The following SHTN1 variants were observed in gnomAD, a reference collection of about 807,000 sequenced individuals.
The protein encoded by SHTN1 is shootin-1.
A neutral mutation model predicts 83.1 loss-of-function variants in SHTN1; 42 were observed. That is an observed-to-expected ratio of 0.51 (90% CI 0.39 to 0.65). The LOEUF is 0.65. Ranked by LOEUF, SHTN1 falls within the 30% of genes least tolerant of loss-of-function variation. SHTN1 has a pLI of 0.00. For synonymous variants in SHTN1, 224 were observed against 247.7 expected (o/e 0.90, Z 0.90); for missense variants, 622 against 737.8 (o/e 0.84, Z 1.82).
At chr10:116,995,057 A>C (rs1001890030) in intron 1 of SHTN1, among the ~76,000 whole-genome samples, 2 of 152,152 alleles carry the variant, frequency 1.3e-5, no homozygotes, top group Non-Finnish European at 2.9e-5. Context: ...TATCTCACAA[A>C]CAACCAAATT....
At position 116,884,284 on chromosome 10, in the gene SHTN1, C is replaced by A. The variant is rs1382997055; in HGVS notation, c.*2060G>T. On this transcript the variant is annotated 3_prime_UTR_variant, in exon 17 of 17. Coordinates refer to ENST00000355371, the MANE Select transcript of SHTN1 (RefSeq NM_001127211.3). Reference sequence around the variant, plus strand: ...AGTGTCACCCCAGCCAGGGGCAAAACCCCCTCAAAACCAAAGTGAAAAGGG... The same window carrying A: ...AGTGTCACCCCAGCCAGGGGCAAAAACCCCTCAAAACCAAAGTGAAAAGGG... The A allele has an allele frequency of 4.4e-6, 2 of 458,594 alleles. No individual in the cohort carries two copies. The highest frequency in any genetic ancestry group is 8.8e-6 in the Non-Finnish European group (2 of 227,696). The allele number at this position is 458,594 out of a possible 1,614,324, so 28.4% of individuals were successfully genotyped here.
intron 1 of SHTN1, among the ~76,000 whole-genome samples, chr10:117,001,607 AAG>A (rs1277089795): frequency 6.6e-6 from 1 of 152,192 alleles, no homozygotes; most frequent in African/African-American, 2.4e-5. Context: ...GGGCAAAATG[AAG>A]AGAGATTGTT....
At chr10:117,035,863 C>A (rs1852486961) in intron 2 of SHTN1, among the ~76,000 whole-genome samples, 1 of 138,396 alleles carries the variant, frequency 7.2e-6, no homozygotes, top group Admixed American at 8.2e-5. Flanking sequence ...AGGAGAATCG[C>A]TTGAACCTGG....
At chr10:116,888,492 T>C (rs181491542) in intron 16 of SHTN1, among the ~76,000 whole-genome samples, 149 of 152,284 alleles carry the variant, frequency 9.8e-4, no homozygotes, top group African/African-American at 3.4e-3. Context: ...GTTCTGACAG[T>C]TGGGAGGGAA....
chr10:117,106,832 A>G (rs2133635095), intron 1 of SHTN1, among the ~76,000 whole-genome samples: 1 of 152,204 alleles, frequency 6.6e-6, no homozygotes, highest in South Asian at 2.1e-4. Flanking sequence ...CTACCATCTC[A>G]CAAGATAGTG....
At chr10:116,978,823 A>C (rs1385154322) in intron 2 of SHTN1, among the ~76,000 whole-genome samples, 1 of 152,332 alleles carries the variant, frequency 6.6e-6, no homozygotes, top group East Asian at 1.9e-4. Context: ...AGACATATAA[A>C]GATTTATGGA....
intron 7 of SHTN1, among the ~76,000 whole-genome samples, chr10:116,945,349 C>T (rs1849538493): frequency 6.6e-6 from 1 of 152,114 alleles, no homozygotes. Context: ...TACTCTAACA[C>T]AGAAGAATGA....
chr10:117,047,373 TA>T (rs773397649), intron 2 of SHTN1, among the ~76,000 whole-genome samples: 3 of 141,266 alleles, frequency 2.1e-5, no homozygotes, highest in Non-Finnish European at 4.5e-5. Context: ...CCCTCAAAAA[TA>T]TTTTTTTTTA....
At chr10:116,940,422 T>C (rs200820779) in intron 9 of SHTN1, 44 bp downstream of exon 9, 4 of 1,591,402 alleles carry the variant, frequency 2.5e-6, no homozygotes, top group Admixed American at 1.7e-5. Flanking sequence ...TGTGTATGCA[T>C]GTATGTGTGT....
intron 1 of SHTN1, among the ~76,000 whole-genome samples, chr10:117,049,795 A>C (rs190334819): frequency 1.0e-3 from 157 of 152,316 alleles, no homozygotes; most frequent in African/African-American, 3.1e-3. Flanking sequence ...TCCATGATGC[A>C]ATAAGTATCT....
chr10:117,066,270 T>C (rs1050730894), intron 1 of SHTN1, among the ~76,000 whole-genome samples: 2 of 152,162 alleles, frequency 1.3e-5, no homozygotes, highest in Non-Finnish European at 2.9e-5. Context: ...TCAATTTCTA[T>C]AGCAGGTATT....
At chr10:117,043,994 C>G (rs1006298645) in intron 2 of SHTN1, among the ~76,000 whole-genome samples, 2 of 152,116 alleles carry the variant, frequency 1.3e-5, no homozygotes, top group African/African-American at 4.8e-5. Context: ...TTAAATGATT[C>G]TCCAGGAGAC....
At chr10:117,056,978 C>T (rs1341392226) in intron 1 of SHTN1, among the ~76,000 whole-genome samples, 2 of 152,184 alleles carry the variant, frequency 1.3e-5, no homozygotes, top group African/African-American at 4.8e-5. Flanking sequence ...TGTTCACTCT[C>T]ATCACTTCAA....
intron 1 of SHTN1, among the ~76,000 whole-genome samples, chr10:116,981,930 G>C (rs562925914): frequency 6.6e-6 from 1 of 152,106 alleles, no homozygotes; most frequent in African/African-American, 2.4e-5. Flanking sequence ...GTGGTAGCGC[G>C]CACCTGTAAT....
At chr10:116,914,469 TAA>T (rs75969895) in intron 13 of SHTN1, among the ~76,000 whole-genome samples, 29 of 134,954 alleles carry the variant, frequency 2.1e-4, no homozygotes, top group Admixed American at 3.0e-4. Context: ...AGACTCCATC[TAA>T]AAAAAAAAAA....
intron 1 of SHTN1, among the ~76,000 whole-genome samples, chr10:116,999,672 T>C (rs1433097144): frequency 6.6e-6 from 1 of 152,128 alleles, no homozygotes; most frequent in Non-Finnish European, 1.5e-5. Flanking sequence ...CCCAGCACTT[T>C]GGGAGGCCTA....
chr10:117,013,951 A>G (rs1015819123), intron 2 of SHTN1, among the ~76,000 whole-genome samples: 1 of 152,182 alleles, frequency 6.6e-6, no homozygotes, highest in Non-Finnish European at 1.5e-5. Context: ...ATAAAATGGA[A>G]TATATACATC....
intron 15 of SHTN1, among the ~76,000 whole-genome samples, chr10:116,905,755 T>C (rs1847943426): frequency 6.6e-6 from 1 of 152,218 alleles, no homozygotes; most frequent in South Asian, 2.1e-4. Flanking sequence ...GCCCATTAGC[T>C]GCGATTGCTG....
chr10:116,933,639 T>A (rs1849050645), intron 9 of SHTN1, among the ~76,000 whole-genome samples: 2 of 152,230 alleles, frequency 1.3e-5, no homozygotes, highest in African/African-American at 4.8e-5. Context: ...TGTGTGTGTG[T>A]GTCTTTATAG....
Sources: gnomAD v4.1 joint callset for allele counts (sites outside exome capture counted in the v4.1 genomes callset) on GRCh38, gnomAD v4.1.1 for gene constraint, MANE v1.5 for transcripts, NCBI Gene and HGNC (gene_info 2026-07-23, HGNC 2026-07-21) for gene names.